The following TRAIP variants were observed in gnomAD, a reference collection of about 807,000 sequenced individuals.
TRAIP encodes the protein TRAF interacting protein, also known as E3 ubiquitin-protein ligase TRAIP.
In TRAIP, 37 loss-of-function variants were observed where a neutral mutation model predicts 65.0. That is an observed-to-expected ratio of 0.57 (90% confidence interval 0.44 to 0.75). TRAIP has a LOEUF of 0.75. Among genes scored for constraint, TRAIP ranks in the 30% least tolerant of loss-of-function variants. The pLI is 0.00. For synonymous variants in TRAIP, 187 were observed against 219.1 expected (o/e 0.85, Z 1.29); for missense variants, 481 against 579.4 (o/e 0.83, Z 1.74).
chr3:49,835,766 T>C (rs369686551), intron 10 of TRAIP, among the ~76,000 whole-genome samples: 9 of 151,582 alleles, frequency 5.9e-5, no homozygotes, highest in African/African-American at 1.9e-4. Flanking sequence ...GGTGAAACCC[T>C]GTCTCTACTA....
At position 49,847,180 on chromosome 3, in the gene TRAIP, A is replaced by AAAATAAATAAAT. The variant is rs56321532; in HGVS notation, c.240+333_240+344dup. ...GGGTGACAGAGTGAGACTTCATCTC[A>AAAATAAATAAAT]AAATAAATAAATAAATAAATAAATA... On this transcript the variant is annotated intron_variant, in intron 3 of 14. Coordinates refer to ENST00000331456, the MANE Select transcript of TRAIP (RefSeq NM_005879.3). 2.0e-3 allele frequency among the ~76,000 whole-genome samples: 285 copies of AAAATAAATAAAT among 144,394 alleles called. 1 individual carries two copies. Among genetic ancestry groups the AAAATAAATAAAT allele is most frequent in the African/African-American group, 6.4e-3 (247 of 38,438 alleles). 94.7% of individuals were successfully genotyped at this position (144,394 alleles called of 152,430 possible).
chr3:49,855,702 A>G (rs2081964421), intron 1 of TRAIP, among the ~76,000 whole-genome samples: 1 of 152,106 alleles, frequency 6.6e-6, no homozygotes, highest in Non-Finnish European at 1.5e-5. Context: ...AGACCCTGTG[A>G]TTATTATCAC....
At chr3:49,840,172 C>T (rs1200993650) in intron 9 of TRAIP, 112 bp downstream of exon 9, 1 of 1,014,546 alleles carries the variant, frequency 9.9e-7, no homozygotes. Context: ...GATGCAGGGG[C>T]CCAGAACCAC....
chr3:49,831,926 C>G lies in TRAIP; in HGVS notation c.1027G>C (p.Glu343Gln). 6.3e-7 allele frequency: 1 copy of G among 1,584,050 alleles called. No homozygotes were observed. The highest frequency in any genetic ancestry group is 8.6e-7 in the Non-Finnish European group (1 of 1,164,692). ...QHGYYEKLCLEKSHSPIQDVP... is the reference protein window; with the variant it reads ...QHGYYEKLCLQKSHSPIQDVP... ...GCGACTATCACTCACTGTGACTTCTCTAGGCAAAGTTTTTCGTAGTAACCA... is the reference window on the plus strand; with the variant it reads ...GCGACTATCACTCACTGTGACTTCTGTAGGCAAAGTTTTTCGTAGTAACCA... The change falls in exon 11 of 15, where the codon GAG (glutamate) becomes CAG (glutamine). Residue 343 changes from glutamate (E) to glutamine (Q), a missense_variant. Glu to Gln is a conservative substitution (Grantham distance 29, BLOSUM62 2). Transcript: ENST00000331456.
intron 10 of TRAIP, among the ~76,000 whole-genome samples, chr3:49,835,739 A>C (rs1159200205): frequency 1.1e-4 from 16 of 151,862 alleles, no homozygotes; most frequent in Admixed American, 1.1e-3. Flanking sequence ...GGAGATGGAG[A>C]CCATCCTGGC....
intron 1 of TRAIP, among the ~76,000 whole-genome samples, chr3:49,849,840 C>CTTTTTTT (rs1185587392): frequency 5.6e-4 from 50 of 89,852 alleles, no homozygotes; most frequent in Non-Finnish European, 7.4e-4. Context: ...CTTTTCTTTT[C>CTTTTTTT]TTTTTTTTTT....
intron 1 of TRAIP, among the ~76,000 whole-genome samples, chr3:49,853,740 G>A (rs994322654): frequency 7.9e-5 from 12 of 151,938 alleles, no homozygotes; most frequent in African/African-American, 2.2e-4. Flanking sequence ...CCAGCTACTC[G>A]GGAGGCTGAG....
At chr3:49,830,673 C>T (rs2108308781) in intron 11 of TRAIP, among the ~76,000 whole-genome samples, 1 of 152,350 alleles carries the variant, frequency 6.6e-6, no homozygotes, top group Middle Eastern at 3.4e-3. Flanking sequence ...GAGCCAGAAA[C>T]TGTATTTCCA....
At chr3:49,837,881 CT>C (rs79076193) in intron 10 of TRAIP, among the ~76,000 whole-genome samples, 5,122 of 137,350 alleles carry the variant, frequency 0.037, 282 homozygotes, top group African/African-American at 0.13. Context: ...CACGCCCGGA[CT>C]TTTTTTTTTT....
At chr3:49,842,623 G>A in intron 5 of TRAIP, 76 bp from the exon 6 acceptor site, 1 of 1,344,448 alleles carries the variant, frequency 7.4e-7, no homozygotes, top group Non-Finnish European at 1.1e-6. Flanking sequence ...GGAAAACTCT[G>A]CTCCAGAACT....
chr3:49,835,831 C>T lies in TRAIP; in HGVS notation c.885-3763G>A, dbSNP rs574522654. Among the ~76,000 whole-genome samples, 3 of 149,106 alleles carry T rather than the reference C, an allele frequency of 2.0e-5. No individual in the cohort carries two copies. The East Asian group carries it at 6.0e-4, about 30-fold the overall frequency. On this transcript the variant is annotated intron_variant, in intron 10 of 14. Transcript: ENST00000331456. Reference sequence around the variant, plus strand: ...GCGGGCACCTGTAGTCCCAGCTACTCGGGAGGCTGAGGCAGGAGAATAGCG... The same window carrying T: ...GCGGGCACCTGTAGTCCCAGCTACTTGGGAGGCTGAGGCAGGAGAATAGCG...
chr3:49,847,746 C>A, intron 2 of TRAIP, 138 bp from the exon 3 acceptor site: 1 of 650,174 alleles, frequency 1.5e-6, no homozygotes, highest in South Asian at 2.0e-5. Context: ...AAAGTACATC[C>A]TTTAGAGTCA....
intron 3 of TRAIP, among the ~76,000 whole-genome samples, chr3:49,845,906 A>G (rs1177317607): frequency 1.3e-5 from 2 of 152,202 alleles, no homozygotes; most frequent in African/African-American, 4.8e-5. Flanking sequence ...GGTTCCAAGG[A>G]CATCATGACA....
rs992896967 is a variant in TRAIP, at chr3:49,844,519, C to T, written c.280+22G>A. ...ATCCAAGTCAGGGGCTTCCCAGCAC[C>T]CCTCGTCTCTTGCTAACTCACCTTT... On this transcript the variant is annotated intron_variant, in intron 4 of 14. Transcript: ENST00000331456. 54 of 1,613,234 alleles carry T rather than the reference C, an allele frequency of 3.3e-5. No individual in the cohort carries two copies. The Admixed American group carries it at 9.0e-4, about 27-fold the overall frequency.
intron 10 of TRAIP, among the ~76,000 whole-genome samples, chr3:49,834,106 T>C (rs2081760367): frequency 6.6e-6 from 1 of 152,156 alleles, no homozygotes; most frequent in African/African-American, 2.4e-5. Context: ...ATGGGATTAG[T>C]CAACATCTCC....
chr3:49,843,898 A>T lies in TRAIP; in HGVS notation c.311T>A (p.Ile104Asn). Residue 104 changes from isoleucine to asparagine, a missense_variant, in exon 5 of 15, where the codon ATC becomes AAC. Coordinates refer to ENST00000331456, the MANE Select transcript of TRAIP (RefSeq NM_005879.3). ...DKEKRDSQVI[I>N]DTLRDTLEER... Reference sequence around the variant, plus strand: ...TTCCAGCGTATCCCGCAGAGTGTCGATGATGACCTGGCTGTCTCGTTTCTC... The same window carrying T: ...TTCCAGCGTATCCCGCAGAGTGTCGTTGATGACCTGGCTGTCTCGTTTCTC... 6.2e-7 allele frequency: 1 copy of T among 1,612,238 alleles called. No homozygotes were observed. The highest frequency in any genetic ancestry group is 1.1e-5 in the South Asian group (1 of 91,042).
chr3:49,830,111 A>G, intron 11 of TRAIP, 43 bp from the exon 12 acceptor site: 1 of 1,607,310 alleles, frequency 6.2e-7, no homozygotes, highest in Non-Finnish European at 8.5e-7. Context: ...TAAGCAAGAC[A>G]TGGGGGCAGG....
intron 12 of TRAIP, 35 bp downstream of exon 12, chr3:49,829,985 A>G: frequency 6.2e-7 from 1 of 1,613,486 alleles, no homozygotes. Flanking sequence ...AGTCCTGCCA[A>G]AGGTTAGACT....
At chr3:49,834,014 C>T (rs1318793458) in intron 10 of TRAIP, among the ~76,000 whole-genome samples, 3 of 152,136 alleles carry the variant, frequency 2.0e-5, no homozygotes, top group Non-Finnish European at 4.4e-5. Context: ...ATGCCAGAGG[C>T]CTCAGGGAGC....
Sources: allele counts gnomAD v4.1 joint callset (sites outside exome capture counted in the v4.1 genomes callset), GRCh38; gene constraint gnomAD v4.1.1; transcripts MANE v1.5; gene names NCBI Gene and HGNC (gene_info 2026-07-23, HGNC 2026-07-21).